Variants in MPDZ observed in about 807,000 individuals in gnomAD.
The protein encoded by MPDZ is multiple PDZ domain crumbs cell polarity complex component.
A neutral mutation model predicts 239.1 loss-of-function variants in MPDZ; 234 were observed. The observed-to-expected ratio is 0.98, with a 90% CI of 0.88 to 1.09. MPDZ has a LOEUF of 1.09. MPDZ is among the 50% of genes least tolerant of loss of function. The pLI, the probability that MPDZ is intolerant of heterozygous loss-of-function variation, is 0.00. For synonymous variants in MPDZ, 1,048 were observed against 881.3 expected (o/e 1.19, Z -3.35); for missense variants, 3,175 against 2,510.0 (o/e 1.26, Z -5.66).
chr9:13,225,331 A>G (rs911940539), intron 3 of MPDZ, among the ~76,000 whole-genome samples: 1 of 152,098 alleles, frequency 6.6e-6, no homozygotes, highest in Non-Finnish European at 1.5e-5. Context: ...AACTCTATGC[A>G]TAAGAGTTTT....
chr9:13,224,423 C>G lies in MPDZ; in HGVS notation c.344G>C (p.Gly115Ala). 1 of 1,612,714 alleles carries G rather than the reference C, an allele frequency of 6.2e-7. No individual in the cohort carries two copies. Among genetic ancestry groups the G allele is most frequent in the South Asian group, 1.1e-5 (1 of 90,980 alleles). The change falls in exon 4 of 47, where the codon GGG becomes GCG. Residue 115 changes from glycine to alanine, a missense_variant. Coordinates refer to ENST00000319217, the MANE Select transcript of MPDZ (RefSeq NM_001378778.1). ...ATCAAATTCATCACAAGCAGGTTTCCCATTAATGTGTGGAATACCAGGTCC... is the reference window on the plus strand; with the variant it reads ...ATCAAATTCATCACAAGCAGGTTTCGCATTAATGTGTGGAATACCAGGTCC... ...LTGPGIPHINGKPACDEFDQL... is the reference protein window; with the variant it reads ...LTGPGIPHINAKPACDEFDQL...
intron 3 of MPDZ, among the ~76,000 whole-genome samples, chr9:13,234,962 C>T (rs2136971011): frequency 6.6e-6 from 1 of 152,194 alleles, no homozygotes; most frequent in East Asian, 1.9e-4. Flanking sequence ...ATGCTGAGAG[C>T]ATTCAATGAA....
rs865998421 is a variant in MPDZ at position 13,106,163 on chromosome 9, C to T, written c.*802G>A. Reference sequence around the variant, plus strand: ...AAGATTCTGGAACCCTTCTATGTTCCTCTATGGTTAGCAGCATAGTTGCTT... The same window carrying T: ...AAGATTCTGGAACCCTTCTATGTTCTTCTATGGTTAGCAGCATAGTTGCTT... On this transcript the variant is annotated 3_prime_UTR_variant, in exon 47 of 47. Coordinates refer to ENST00000319217, the MANE Select transcript of MPDZ (RefSeq NM_001378778.1). 1 of 152,106 alleles carries T rather than the reference C, an allele frequency of 6.6e-6. No homozygotes were observed. Among genetic ancestry groups the T allele is most frequent in the African/African-American group, 2.4e-5 (1 of 41,428 alleles). 9.4% of individuals were successfully genotyped at this position (152,106 alleles called of 1,614,324 possible).
At position 13,115,742 on chromosome 9, in the gene MPDZ, A is replaced by G. The variant is rs553545114; in HGVS notation, c.5380-408T>C. ...GGGTGGATCACGAGGTCAGGAGATC[A>G]AGACCATCCTGGCTAACATGGTGAA... On this transcript the variant is annotated intron_variant, in intron 39 of 46. Coordinates refer to ENST00000319217, the MANE Select transcript of MPDZ (RefSeq NM_001378778.1). Among the ~76,000 whole-genome samples the G allele has an allele frequency of 5.8e-4, 88 of 152,056 alleles. 1 individual carries two copies. Among genetic ancestry groups the G allele is most frequent in the Middle Eastern group, 3.4e-3 (1 of 292 alleles).
At chr9:13,210,763 G>A (rs1026544181) in intron 10 of MPDZ, among the ~76,000 whole-genome samples, 2 of 152,064 alleles carry the variant, frequency 1.3e-5, no homozygotes, top group Non-Finnish European at 2.9e-5. Flanking sequence ...GAAATCAGGG[G>A]CCAGTGGGAA....
intron 12 of MPDZ, among the ~76,000 whole-genome samples, chr9:13,199,540 GA>G (rs1232402757): frequency 6.6e-6 from 1 of 151,692 alleles, no homozygotes; most frequent in Non-Finnish European, 1.5e-5. Context: ...TACTTATGTT[GA>G]AAAAAAGGTG....
At chr9:13,151,956 T>A (rs552544132) in intron 24 of MPDZ, among the ~76,000 whole-genome samples, 1 of 152,246 alleles carries the variant, frequency 6.6e-6, no homozygotes, top group East Asian at 1.9e-4. Context: ...TATTAATGTA[T>A]TTCTGAAAAT....
intron 1 of MPDZ, among the ~76,000 whole-genome samples, chr9:13,271,897 T>C (rs1238066970): frequency 6.6e-6 from 1 of 152,114 alleles, no homozygotes; most frequent in Non-Finnish European, 1.5e-5. Context: ...AAAGAGAACA[T>C]ACTGTATGAT....
At chr9:13,277,816 C>T (rs1238343592) in intron 1 of MPDZ, among the ~76,000 whole-genome samples, 5 of 152,186 alleles carry the variant, frequency 3.3e-5, no homozygotes, top group African/African-American at 1.2e-4. Context: ...CCACCCACCT[C>T]GGTCTCCCAA....
At chr9:13,255,103 C>G (rs944234125) in intron 1 of MPDZ, among the ~76,000 whole-genome samples, 1 of 152,178 alleles carries the variant, frequency 6.6e-6, no homozygotes, top group African/African-American at 2.4e-5. Context: ...TTCATTTCAA[C>G]GATGTTCACA....
rs1031665272 is a variant in MPDZ at position 13,222,411 on chromosome 9, G to C, written c.569C>G (p.Ala190Gly). ...CTGATCAAGAGCCTGTCCATTGATA[G>C]CAAGAATTTGATCAGTTTCTTTCAA... ...GRLKETDQIL[A>G]INGQALDQTI... The change falls in exon 6 of 47, where the codon GCT becomes GGT. Residue 190 changes from alanine (A) to glycine (G), a missense_variant. By Grantham distance (60) the Ala-to-Gly change is moderately conservative. Coordinates refer to ENST00000319217, the MANE Select transcript of MPDZ (RefSeq NM_001378778.1). The C allele has an allele frequency of 4.3e-6, 7 of 1,612,352 alleles. No individual in the cohort carries two copies. The highest frequency in any genetic ancestry group is 5.9e-6 in the Non-Finnish European group (7 of 1,179,124).
chr9:13,198,404 T>C (rs577541555), intron 12 of MPDZ, among the ~76,000 whole-genome samples: 1 of 152,184 alleles, frequency 6.6e-6, no homozygotes, highest in African/African-American at 2.4e-5. Flanking sequence ...CTTTGAGGAA[T>C]GTCTATTCAG....
At chr9:13,131,629 C>T (rs888870138) in intron 32 of MPDZ, among the ~76,000 whole-genome samples, 3 of 152,144 alleles carry the variant, frequency 2.0e-5, no homozygotes, top group Non-Finnish European at 4.4e-5. Flanking sequence ...CCACTGATAA[C>T]AAGTTTCAGC....
In MPDZ at chr9:13,205,100, A is replaced by C; in HGVS notation, c.1482T>G (p.Tyr494Ter). 7.1e-7 allele frequency: 1 copy of C among 1,415,768 alleles called. No individual in the cohort carries two copies. The highest frequency in any genetic ancestry group is 9.3e-7 in the Non-Finnish European group (1 of 1,073,692). The allele number at this position is 1,415,768 out of a possible 1,614,324, so 87.7% of individuals were successfully genotyped here. A position where few individuals can be genotyped will look rare whatever the true frequency, so the allele number is the denominator to read the frequency against. Residue 494 changes from tyrosine to a stop codon, truncating the protein, a stop_gained, in exon 12 of 47, where the codon TAT becomes TAG. Transcript: ENST00000319217. LOFTEE classifies it high-confidence loss of function. Reference sequence around the variant, plus strand: ...AAGATAAAAAATCTTCATCTTTTTCATAATTTTCTTAAAGATAAAAATATT... The same window carrying C: ...AAGATAAAAAATCTTCATCTTTTTCCTAATTTTCTTAAAGATAAAAATATT... ...PVNASIIKEN[Y>*]EKDEDFLSST...
At chr9:13,278,386 C>G (rs1246068443) in intron 1 of MPDZ, among the ~76,000 whole-genome samples, 3 of 152,144 alleles carry the variant, frequency 2.0e-5, no homozygotes, top group Non-Finnish European at 2.9e-5. Context: ...CCCACTCGCC[C>G]CCAGTGACTA....
Position 13,222,315 on chromosome 9 carries a change from C to T in MPDZ, c.665G>A (p.Arg222Lys). Residue 222 changes from arginine to lysine, a missense_variant, in exon 6 of 47, where the codon AGA becomes AAA. Coordinates refer to ENST00000319217, the MANE Select transcript of MPDZ (RefSeq NM_001378778.1). Reference protein sequence around the residue: ...AKDTVQLVIARGSLPQLVSPI... With the variant: ...AKDTVQLVIAKGSLPQLVSPI... ...GCTGACAAGCTGAGGCAATGAGCCT[C>T]TGGCAATAACTAGCTGGACAGTATC... 1.2e-6 allele frequency: 2 copies of T among 1,613,020 alleles called. No individual in the cohort carries two copies. Among genetic ancestry groups the T allele is most frequent in the Non-Finnish European group, 1.7e-6 (2 of 1,179,314 alleles).
At chr9:13,272,966 G>C (rs1329744091) in intron 1 of MPDZ, among the ~76,000 whole-genome samples, 1 of 152,078 alleles carries the variant, frequency 6.6e-6, no homozygotes, top group Non-Finnish European at 1.5e-5. Flanking sequence ...GGTATTAGGG[G>C]GTGGGGTCTT....
rs760750379 is a variant in MPDZ at position 13,176,276 on chromosome 9, T to C, written c.2791A>G (p.Ile931Val). Reference protein sequence around the residue: ...ISMGPASGFTINDYTPANAIE... With the variant: ...ISMGPASGFTVNDYTPANAIE... ...GCATTTGCAGGTGTGTAGTCATTTA[T>C]AGTAAAGCCAGAAGCAGGCCCCATA... Residue 931 changes from isoleucine (I) to valine (V), a missense_variant, in exon 20 of 47, where the codon ATA (isoleucine) becomes GTA (valine). Transcript: ENST00000319217. 8.7e-6 allele frequency: 14 copies of C among 1,610,356 alleles called. No individual in the cohort carries two copies. The highest frequency in any genetic ancestry group is 1.7e-4 in the Middle Eastern group (1 of 6,056).
At chr9:13,138,251 T>A in intron 28 of MPDZ, 98 bp from the exon 29 acceptor site, 1 of 1,242,818 alleles carries the variant, frequency 8.0e-7, no homozygotes, top group South Asian at 2.0e-5. Flanking sequence ...AAAGGACAGA[T>A]TTTATACCAA....
Sources: gnomAD v4.1 joint callset for allele counts (sites outside exome capture counted in the v4.1 genomes callset) on GRCh38, gnomAD v4.1.1 for gene constraint, MANE v1.5 for transcripts, NCBI Gene and HGNC (gene_info 2026-07-23, HGNC 2026-07-21) for gene names.